The following EPM2A variants were observed in gnomAD, a reference collection of about 807,000 sequenced individuals.
The protein encoded by EPM2A is EPM2A glucan phosphatase, laforin.
Under a neutral mutation model 26.5 loss-of-function variants are expected in EPM2A, and 21 were observed. The observed-to-expected ratio is 0.79, with a 90% CI of 0.56 to 1.14. The LOEUF is 1.14. Ranked by LOEUF, EPM2A falls within the 50% of genes most tolerant of loss-of-function variation. EPM2A has a pLI of 0.00. For synonymous variants in EPM2A, 217 were observed against 177.6 expected, an observed-to-expected ratio of 1.22 and a Z score of -1.76; for missense variants, 458 against 440.8, an observed-to-expected ratio of 1.04 and a Z score of -0.35.
chr6:145,620,126 AC>A, intron 2 of EPM2A, among the ~76,000 whole-genome samples: 4 of 152,292 alleles, frequency 2.6e-5, no homozygotes, highest in Admixed American at 2.6e-4. Flanking sequence ...GTGGTCCCCA[AC>A]CTTTTTGGAA....
intron 2 of EPM2A, among the ~76,000 whole-genome samples, chr6:145,537,105 C>T (rs1271407632): frequency 1.3e-5 from 2 of 152,086 alleles, no homozygotes; most frequent in Non-Finnish European, 2.9e-5. Flanking sequence ...CATTTGGGGC[C>T]AACTGTTACA....
chr6:145,537,189 G>C (rs931016896), intron 2 of EPM2A, among the ~76,000 whole-genome samples: 5 of 152,204 alleles, frequency 3.3e-5, no homozygotes, highest in Non-Finnish European at 7.3e-5. Context: ...ATTTATAGGA[G>C]GCTAGTTTCC....
intron 2 of EPM2A, among the ~76,000 whole-genome samples, chr6:145,673,011 A>G (rs1428922429): frequency 1.3e-5 from 2 of 152,162 alleles, no homozygotes; most frequent in African/African-American, 2.4e-5. Context: ...AAGAATTTCC[A>G]GGTACCAGAG....
chr6:145,444,696 C>T (rs1162797244), intron 4 of EPM2A, among the ~76,000 whole-genome samples: 1 of 152,074 alleles, frequency 6.6e-6, no homozygotes, highest in Non-Finnish European at 1.5e-5. Flanking sequence ...ATAACAGTTT[C>T]TGTTTATTGC....
chr6:145,386,289 C>T (rs941814656), intron 4 of EPM2A, among the ~76,000 whole-genome samples: 3 of 152,150 alleles, frequency 2.0e-5, no homozygotes, highest in Admixed American at 2.0e-4. Context: ...GTGGTGCCTG[C>T]TATACTACGT....
At chr6:145,585,713 T>C (rs1011687535) in intron 2 of EPM2A, among the ~76,000 whole-genome samples, 1 of 152,174 alleles carries the variant, frequency 6.6e-6, no homozygotes, top group African/African-American at 2.4e-5. Flanking sequence ...TCTCTTTGGG[T>C]GCCAGATATT....
At chr6:145,566,756 G>A (rs557716321) in intron 2 of EPM2A, among the ~76,000 whole-genome samples, 2 of 152,264 alleles carry the variant, frequency 1.3e-5, no homozygotes, top group Admixed American at 6.5e-5. Flanking sequence ...AGCTACTAAA[G>A]TTTCACTTTT....
At chr6:145,624,124 T>C (rs148379813), downstream of EPM2A, among the ~76,000 whole-genome samples, 242 of 152,306 alleles carry the variant, frequency 1.6e-3, 1 homozygote, top group African/African-American at 5.6e-3. Context: ...AGTTTTCTTC[T>C]TTTTCTAGCA....
chr6:145,574,598 A>C (rs757798072), intron 2 of EPM2A, among the ~76,000 whole-genome samples: 2 of 152,198 alleles, frequency 1.3e-5, no homozygotes, highest in Non-Finnish European at 2.9e-5. Context: ...GGACCCTCCC[A>C]GCTGGGATGA....
chr6:145,660,920 T>C (rs1778655642), intron 2 of EPM2A, among the ~76,000 whole-genome samples: 1 of 152,204 alleles, frequency 6.6e-6, no homozygotes, highest in Non-Finnish European at 1.5e-5. Context: ...AATATGTGTT[T>C]AGACTTGGAC....
chr6:145,434,780 T>C (rs1778966964), intron 4 of EPM2A, among the ~76,000 whole-genome samples: 1 of 152,158 alleles, frequency 6.6e-6, no homozygotes, highest in Non-Finnish European at 1.5e-5. Flanking sequence ...TTCTCCCCTT[T>C]TCCTGTCCCC....
At chr6:145,591,046 A>G (rs568235292) in intron 2 of EPM2A, among the ~76,000 whole-genome samples, 190 of 152,298 alleles carry the variant, frequency 1.2e-3, no homozygotes, top group African/African-American at 4.5e-3. Flanking sequence ...CTATGAAAAG[A>G]TCAAAAAGAA....
intron 4 of EPM2A, among the ~76,000 whole-genome samples, chr6:145,440,731 C>G (rs1401041033): frequency 6.6e-6 from 1 of 152,216 alleles, no homozygotes; most frequent in Non-Finnish European, 1.5e-5. Flanking sequence ...GCAGTCAAAT[C>G]TTAAAGCTCC....
chr6:145,572,773 G>A (rs1428612710), intron 2 of EPM2A, among the ~76,000 whole-genome samples: 1 of 152,208 alleles, frequency 6.6e-6, no homozygotes, highest in Non-Finnish European at 1.5e-5. Context: ...CCAAGTGGCA[G>A]AGCAGCTTGC....
downstream of EPM2A, among the ~76,000 whole-genome samples, chr6:145,498,068 G>T (rs1431306764): frequency 6.6e-6 from 1 of 152,196 alleles, no homozygotes; most frequent in Non-Finnish European, 1.5e-5. Context: ...AAATGGTCTG[G>T]CCAAATTTTT....
At chr6:145,573,716 G>A (rs1780991747) in intron 2 of EPM2A, among the ~76,000 whole-genome samples, 1 of 152,326 alleles carries the variant, frequency 6.6e-6, no homozygotes, top group South Asian at 2.1e-4. Flanking sequence ...CAGTCAGGGA[G>A]CCAATGTGGG....
intron 4 of EPM2A, among the ~76,000 whole-genome samples, chr6:145,481,937 T>C (rs1562352443): frequency 6.6e-6 from 1 of 152,098 alleles, no homozygotes. Context: ...GACCAAACCA[T>C]GGTCATTCAC....
chr6:145,405,287 T>C (rs958427367), intron 4 of EPM2A, among the ~76,000 whole-genome samples: 2 of 152,114 alleles, frequency 1.3e-5, no homozygotes, highest in Admixed American at 1.3e-4. Flanking sequence ...AGTGGCTCAT[T>C]GTGAATTCTA....
At chr6:145,642,134 G>C (rs1777131585) in intron 2 of EPM2A, among the ~76,000 whole-genome samples, 2 of 152,132 alleles carry the variant, frequency 1.3e-5, no homozygotes, top group African/African-American at 2.4e-5. Flanking sequence ...AGTCAATCAT[G>C]AGGCAGCACA....
Sources: gnomAD v4.1 joint callset for allele counts (sites outside exome capture counted in the v4.1 genomes callset) on GRCh38, gnomAD v4.1.1 for gene constraint, MANE v1.5 for transcripts, NCBI Gene and HGNC (gene_info 2026-07-23, HGNC 2026-07-21) for gene names.